Variants in NOM1 observed in about 807,000 individuals in gnomAD.
The protein encoded by NOM1 is nucleolar protein with MIF4G domain 1.
In NOM1, 58 loss-of-function variants were observed where a neutral mutation model predicts 73.3. The ratio of observed to expected loss-of-function variants is 0.79; its 90% CI spans 0.64 to 0.99. The LOEUF is 0.99. NOM1 is among the 50% of genes least tolerant of loss of function. The probability of loss-of-function intolerance (pLI) is 0.00; values close to 1 mark genes in which losing one functional copy is unlikely to be tolerated. For missense variants in NOM1, 1,226 were observed against 1,131.9 expected (o/e 1.08, Z -1.19); for synonymous variants, 487 against 446.8 (o/e 1.09, Z -1.14).
intron 10 of NOM1, 80 bp downstream of exon 10, chr7:156,969,276 A>C (rs1288496046): frequency 2.2e-6 from 2 of 890,696 alleles, no homozygotes; most frequent in African/African-American, 1.7e-5. Flanking sequence ...TACAAACACA[A>C]GGTTGTACTA....
Position 156,969,712 on chromosome 7 carries a change from G to C in NOM1, c.*9G>C. 6.3e-7 allele frequency: 1 copy of C among 1,598,990 alleles called. No individual in the cohort carries two copies. Among genetic ancestry groups the C allele is most frequent in the African/African-American group, 1.3e-5 (1 of 74,712 alleles). The stretch of plus-strand genomic sequence containing the variant: ...CTTCCCTGAGAATGTAGTCAGGGAA[G>C]GAAGGAGGGCAGGTGGCCCTTTGAC... On this transcript the variant is annotated 3_prime_UTR_variant, in exon 11 of 11. Transcript: ENST00000275820.
chr7:156,950,685 G>C lies in NOM1; in HGVS notation c.948G>C (p.Lys316Asn), dbSNP rs1174136569. ...TCCGTTTTGCAGAAGATGAAGAAAA[G>C]AGTGAAAATTCCTCGGAGGACGGTG... ...KRVRFAEDEE[K>N]SENSSEDGDI... Residue 316 changes from lysine (K) to asparagine (N), a missense_variant, in exon 1 of 11, where the codon AAG becomes AAC. Lys to Asn is a moderately conservative substitution (Grantham distance 94, BLOSUM62 0). Transcript: ENST00000275820. 3 of 1,551,798 alleles carry C rather than the reference G, an allele frequency of 1.9e-6. No individual in the cohort carries two copies. The highest frequency in any genetic ancestry group is 1.2e-5 in the South Asian group (1 of 84,116).
At chr7:156,964,273 T>G (rs1804942693) in intron 7 of NOM1, 2 of 170,378 alleles carry the variant, frequency 1.2e-5, no homozygotes, top group Non-Finnish European at 2.3e-5. Flanking sequence ...GGGTTTGGGG[T>G]TTTTTTTTTT....
At chr7:156,966,060 A>T in intron 7 of NOM1, 2 of 595,314 alleles carry the variant, frequency 3.4e-6, no homozygotes, top group South Asian at 4.3e-5. Flanking sequence ...GTCTCCTCTG[A>T]CATTTTGCCA....
At chr7:156,967,423 T>C (rs1805025402) in intron 9 of NOM1, among the ~76,000 whole-genome samples, 1 of 152,216 alleles carries the variant, frequency 6.6e-6, no homozygotes, top group Admixed American at 6.5e-5. Flanking sequence ...CTGGTCTCCT[T>C]AGAGGTGAGG....
chr7:156,953,969 A>T (rs1434162856), intron 2 of NOM1, 134 bp from the exon 3 acceptor site: 12 of 673,360 alleles, frequency 1.8e-5, no homozygotes, highest in Non-Finnish European at 3.0e-5. Context: ...CAAGATAAGA[A>T]TAGTTAAGGG....
chr7:156,949,851 G>A lies in NOM1; in HGVS notation c.114G>A (p.Gly38=). Residue 38 remains glycine (G), a synonymous_variant, in exon 1 of 11, where the codon GGG becomes GGA. Transcript: ENST00000275820. ...CGCGCCGCGGTCCTGCTGGCGGTGG[G>A]GAGAAGGCCCTGAAGAGGCTGAAGC... The part of the protein sequence containing the change: ...RGPRRGPAGG[G]EKALKRLKLA... 1.4e-6 allele frequency: 2 copies of A among 1,478,784 alleles called. No homozygotes were observed. Among genetic ancestry groups the A allele is most frequent in the South Asian group, 1.3e-5 (1 of 74,864 alleles). 91.6% of individuals were successfully genotyped at this position (1,478,784 alleles called of 1,614,324 possible).
chr7:156,968,159 T>A (rs1254523496), intron 9 of NOM1, among the ~76,000 whole-genome samples: 2 of 152,156 alleles, frequency 1.3e-5, no homozygotes, highest in African/African-American at 4.8e-5. Context: ...TCCTGACAAC[T>A]GGAATAACTT....
intron 3 of NOM1, among the ~76,000 whole-genome samples, chr7:156,954,932 T>C (rs1804685525): frequency 1.3e-5 from 2 of 152,224 alleles, no homozygotes; most frequent in Non-Finnish European, 2.9e-5. Context: ...GTTTGGAAGA[T>C]AATGGTTGGT....
rs369954829 is a variant in NOM1 at position 156,950,589 on chromosome 7, C to A, written c.852C>A (p.Asp284Glu). The A allele has an allele frequency of 1.9e-6, 3 of 1,590,464 alleles. No homozygotes were observed. Among genetic ancestry groups the A allele is most frequent in the African/African-American group, 2.7e-5 (2 of 74,000 alleles). ...QEAEAQSEDDDEDTEEEQGEE... is the reference protein window; with the variant it reads ...QEAEAQSEDDEEDTEEEQGEE... ...CAGAAGCGCAGAGCGAGGACGACGA[C>A]GAGGATACAGAAGAGGAACAGGGGG... is the stretch of plus-strand genomic sequence containing the variant. Residue 284 changes from aspartate to glutamate, a missense_variant, in exon 1 of 11, where the codon GAC becomes GAA. Asp to Glu is a conservative substitution (Grantham distance 45). Coordinates refer to ENST00000275820, the MANE Select transcript of NOM1 (RefSeq NM_138400.2).
intron 9 of NOM1, 60 bp downstream of exon 9, chr7:156,967,152 C>T (rs545586116): frequency 6.4e-7 from 1 of 1,559,914 alleles, no homozygotes; most frequent in Non-Finnish European, 8.7e-7. Context: ...TTGTTTAGTA[C>T]CTGGTAAATC....
Position 156,969,182 on chromosome 7 carries a change from T to G in NOM1, c.2394T>G (p.Ser798Arg). 1 of 1,547,506 alleles carries G rather than the reference T, an allele frequency of 6.5e-7. No individual in the cohort carries two copies. The change falls in exon 10 of 11, where the codon AGT (serine) becomes AGG (arginine). Residue 798 changes from serine to arginine, a missense_variant. By Grantham distance (110) the Ser-to-Arg change is moderately radical. Coordinates refer to ENST00000275820, the MANE Select transcript of NOM1 (RefSeq NM_138400.2). The part of the protein sequence containing the change: ...LLMETEVEDL[S>R]LIFTRVSDNP... ...TGGAAACAGAAGTTGAAGACCTCAG[T>G]TTAATTTTCACAAGGTATGTGCCCC...
Position 156,950,583 on chromosome 7 carries a change from C to T in NOM1, c.846C>T (p.Asp282=). ...AGGAAGCAGAAGCGCAGAGCGAGGACGACGACGAGGATACAGAAGAGGAAC... is the reference window on the plus strand; with the variant it reads ...AGGAAGCAGAAGCGCAGAGCGAGGATGACGACGAGGATACAGAAGAGGAAC... The part of the protein sequence containing the change: ...KAQEAEAQSE[D]DDEDTEEEQG... The change falls in exon 1 of 11, where the codon GAC becomes GAT. Residue 282 remains aspartate (D), a synonymous_variant. Coordinates refer to ENST00000275820, the MANE Select transcript of NOM1 (RefSeq NM_138400.2). The T allele has an allele frequency of 6.3e-7, 1 of 1,595,412 alleles. No homozygotes were observed.
chr7:156,972,199 A>C lies in NOM1; in HGVS notation c.*2496A>C, dbSNP rs951726827. ...TGCAAGCCCCCAACCTCACGGACCA[A>C]GAGGATCCCTGGCTGCCTGTGAATG... On this transcript the variant is annotated 3_prime_UTR_variant, in exon 11 of 11. Transcript: ENST00000275820. The C allele has an allele frequency of 6.6e-6, 1 of 152,236 alleles. No individual in the cohort carries two copies. Among genetic ancestry groups the C allele is most frequent in the African/African-American group, 2.4e-5 (1 of 41,468 alleles). 9.4% of individuals were successfully genotyped at this position (152,236 alleles called of 1,614,324 possible).
At chr7:156,968,414 G>T (rs892493904) in intron 9 of NOM1, among the ~76,000 whole-genome samples, 1 of 152,072 alleles carries the variant, frequency 6.6e-6, no homozygotes, top group African/African-American at 2.4e-5. Flanking sequence ...CCTCGGGTCC[G>T]CAAGCGCCTG....
At chr7:156,967,628 G>A (rs187293848) in intron 9 of NOM1, among the ~76,000 whole-genome samples, 11 of 152,276 alleles carry the variant, frequency 7.2e-5, no homozygotes, top group Admixed American at 3.9e-4. Context: ...GGATTCAAGC[G>A]ATTCTCCTGC....
intron 7 of NOM1, among the ~76,000 whole-genome samples, chr7:156,965,879 A>C (rs1384993148): frequency 1.3e-5 from 2 of 151,642 alleles, no homozygotes; most frequent in East Asian, 3.9e-4. Context: ...ATGCCACTGC[A>C]CTCCAGCCTG....
At position 156,972,632 on chromosome 7, in the gene NOM1, C is replaced by G. The variant is rs1318956643; in HGVS notation, c.*2929C>G. On this transcript the variant is annotated 3_prime_UTR_variant, in exon 11 of 11. Transcript: ENST00000275820. Reference sequence around the variant, plus strand: ...ATCACTTGAGGTCAGGAGTTCGAGACCAGCCTGGCCAACATGGCAAAACCC... The same window carrying G: ...ATCACTTGAGGTCAGGAGTTCGAGAGCAGCCTGGCCAACATGGCAAAACCC... The G allele has an allele frequency of 6.6e-6, 1 of 152,204 alleles. No homozygotes were observed. The highest frequency in any genetic ancestry group is 1.5e-5 in the Non-Finnish European group (1 of 68,078). The allele number at this position is 152,204 out of a possible 1,614,324, so 9.4% of individuals were successfully genotyped here.
chr7:156,969,029 A>G, intron 9 of NOM1, 58 bp from the exon 10 acceptor site: 1 of 899,238 alleles, frequency 1.1e-6, no homozygotes, highest in Non-Finnish European at 1.9e-6. Flanking sequence ...ATTACAAATC[A>G]TTGAAAAAGT....
Sources: allele counts gnomAD v4.1 joint callset (sites outside exome capture counted in the v4.1 genomes callset), GRCh38; gene constraint gnomAD v4.1.1; transcripts MANE v1.5; gene names NCBI Gene and HGNC (gene_info 2026-07-23, HGNC 2026-07-21).